Variants in SPATA13 observed in about 807,000 individuals in gnomAD.
SPATA13 encodes the protein spermatogenesis-associated protein 13.
In SPATA13, 50 loss-of-function variants were observed where a neutral mutation model predicts 104.0. The ratio of observed to expected loss-of-function variants is 0.48; its 90% CI spans 0.38 to 0.61. SPATA13 has a LOEUF of 0.61. SPATA13 is among the 20% of genes least tolerant of loss of function. The pLI, the probability that SPATA13 is intolerant of heterozygous loss-of-function variation, is 0.00. For missense variants in SPATA13, 1,524 were observed against 1,690.6 expected (o/e 0.90, Z 1.73); for synonymous variants, 606 against 667.5 (o/e 0.91, Z 1.42).
chr13:24,028,234 C>A (rs934561357), intron 3 of SPATA13, among the ~76,000 whole-genome samples: 1 of 152,136 alleles, frequency 6.6e-6, no homozygotes, highest in African/African-American at 2.4e-5. Context: ...GCTCATCATT[C>A]CTTTTTGCAT....
intron 2 of SPATA13, among the ~76,000 whole-genome samples, chr13:23,992,439 A>G (rs1257440260): frequency 6.6e-6 from 1 of 152,228 alleles, no homozygotes; most frequent in East Asian, 1.9e-4. Flanking sequence ...GATACAGACC[A>G]TTGCAGGTGT....
At chr13:24,057,503 G>A (rs888701649) in intron 3 of SPATA13, among the ~76,000 whole-genome samples, 9 of 152,306 alleles carry the variant, frequency 5.9e-5, no homozygotes, top group African/African-American at 2.2e-4. Flanking sequence ...ATATGGGACT[G>A]GGTGATGTGG....
chr13:24,195,899 A>G (rs748235539), intron 1 of SPATA13, among the ~76,000 whole-genome samples: 41 of 152,138 alleles, frequency 2.7e-4, no homozygotes, highest in Non-Finnish European at 5.1e-4. Flanking sequence ...ATTAATAGCA[A>G]CCTCTGTAGG....
chr13:24,055,676 CG>C (rs1878516623), intron 3 of SPATA13, among the ~76,000 whole-genome samples: 1 of 152,212 alleles, frequency 6.6e-6, no homozygotes, highest in Admixed American at 6.5e-5. Flanking sequence ...GGACTTTACT[CG>C]CCAGGTGCCT....
At chr13:23,993,418 A>T (rs1036263368) in intron 2 of SPATA13, among the ~76,000 whole-genome samples, 1 of 152,232 alleles carries the variant, frequency 6.6e-6, no homozygotes, top group Admixed American at 6.5e-5. Context: ...TGTACTACCC[A>T]CATCATCAAA....
intron 3 of SPATA13, among the ~76,000 whole-genome samples, chr13:24,140,188 C>G (rs1471406375): frequency 6.6e-6 from 1 of 152,084 alleles, no homozygotes; most frequent in African/African-American, 2.4e-5. Flanking sequence ...TAGGGGTACA[C>G]AGTTCTTCCA....
intron 3 of SPATA13, among the ~76,000 whole-genome samples, chr13:24,063,575 G>A (rs982892729): frequency 6.6e-6 from 1 of 151,964 alleles, no homozygotes; most frequent in African/African-American, 2.4e-5. Flanking sequence ...ATCACTAAAT[G>A]TTCCTCCATG....
Position 24,122,349 on chromosome 13 carries a change from A to G in SPATA13, c.-111-100470A>G. ...TTTGAAAGATAGCTTTAAATATCTG[A>G]TACACATCAACAGGGTTATCTTCAT... On this transcript the variant is annotated intron_variant, in intron 3 of 14. Transcript: ENST00000424834. 2.0e-6 allele frequency: 3 copies of G among 1,515,120 alleles called. No homozygotes were observed. In the South Asian group the frequency reaches 3.4e-5, roughly 17 times the overall value. The allele number at this position is 1,515,120 out of a possible 1,614,324, so 93.9% of individuals were successfully genotyped here.
intron 2 of SPATA13, among the ~76,000 whole-genome samples, chr13:24,238,505 A>G (rs1872684253): frequency 6.6e-6 from 1 of 152,028 alleles, no homozygotes; most frequent in African/African-American, 2.4e-5. Flanking sequence ...GGGATGGGCT[A>G]GTTCTGCTAA....
intron 1 of SPATA13, 88 bp from the exon 2 acceptor site, chr13:24,222,731 C>T (rs951449183): frequency 8.8e-7 from 1 of 1,130,384 alleles, no homozygotes; most frequent in African/African-American, 1.6e-5. Context: ...TCTGACCAGC[C>T]CTGTGCTGGA....
At chr13:24,033,731 T>C (rs1570891) in intron 3 of SPATA13, 55,947 of 152,070 alleles carry the variant, frequency 0.37, 10,516 homozygotes, top group East Asian at 0.62. Context: ...ATGGAGCAGT[T>C]GCCTCCACCT....
chr13:24,193,762 A>G (rs1223820583), intron 1 of SPATA13, among the ~76,000 whole-genome samples: 1 of 152,188 alleles, frequency 6.6e-6, no homozygotes, highest in African/African-American at 2.4e-5. Flanking sequence ...AAGTAGGGTT[A>G]GTGTGGAAAC....
At position 24,190,288 on chromosome 13, in the gene SPATA13, T is replaced by TG. The variant is rs1869611197; in HGVS notation, c.-112+29356_-112+29357insG. ...AATATATATTATTATATATAATATA[T>TG]AATATTATATATTATTATATATAAT... is the stretch of plus-strand genomic sequence containing the variant. On this transcript the variant is annotated intron_variant, in intron 1 of 12. Coordinates refer to ENST00000382108, the MANE Select transcript of SPATA13 (RefSeq NM_001166271.3). Among the ~76,000 whole-genome samples, 4 of 11,072 alleles carry TG rather than the reference T, an allele frequency of 3.6e-4. 1 individual carries two copies. The highest frequency in any genetic ancestry group is 7.2e-3 in the East Asian group (1 of 138). The allele number at this position is 11,072 out of a possible 152,430, so 7.3% of individuals were successfully genotyped here.
intron 1 of SPATA13, among the ~76,000 whole-genome samples, chr13:24,212,341 T>C (rs1871073481): frequency 6.6e-6 from 1 of 151,230 alleles, no homozygotes; most frequent in African/African-American, 2.4e-5. Context: ...CACAGGTACC[T>C]CATTTAAATG....
rs183173412 is a variant in SPATA13, at chr13:24,002,393, G to A, written c.-146-15274G>A. The stretch of plus-strand genomic sequence containing the variant: ...GTCAGAAGCATTGACAAACGAATTC[G>A]AGTAGGAGGGAAATGTCACAGTCGC... On this transcript the variant is annotated intron_variant, in intron 2 of 14. Transcript: ENST00000424834. 1.9e-3 allele frequency among the ~76,000 whole-genome samples: 288 copies of A among 152,268 alleles called. 2 individuals carry two copies. The highest frequency in any genetic ancestry group is 6.5e-3 in the African/African-American group (271 of 41,532).
chr13:24,271,520 G>T (rs1874608353), intron 4 of SPATA13, among the ~76,000 whole-genome samples: 1 of 152,126 alleles, frequency 6.6e-6, no homozygotes, highest in Non-Finnish European at 1.5e-5. Flanking sequence ...TGTGAGTATT[G>T]TCTATTTGTC....
At chr13:24,166,246 C>T (rs1350181690) in intron 1 of SPATA13, among the ~76,000 whole-genome samples, 1 of 152,124 alleles carries the variant, frequency 6.6e-6, no homozygotes, top group Non-Finnish European at 1.5e-5. Flanking sequence ...CATGAAGAGA[C>T]TCATATTCTT....
chr13:24,259,961 T>C (rs995020376), intron 4 of SPATA13, among the ~76,000 whole-genome samples: 1 of 152,176 alleles, frequency 6.6e-6, no homozygotes, highest in African/African-American at 2.4e-5. Flanking sequence ...TTAAATGTGC[T>C]TTTGGTTTTG....
chr13:24,134,179 C>T (rs577359196), intron 3 of SPATA13, among the ~76,000 whole-genome samples: 20 of 152,256 alleles, frequency 1.3e-4, no homozygotes, highest in African/African-American at 4.3e-4. Context: ...TGGGTTTGGG[C>T]CAATGAATTT....
Sources: gnomAD v4.1 joint callset for allele counts (sites outside exome capture counted in the v4.1 genomes callset) on GRCh38, gnomAD v4.1.1 for gene constraint, MANE v1.5 for transcripts, NCBI Gene and HGNC (gene_info 2026-07-23, HGNC 2026-07-21) for gene names.